Variants in BANK1 observed in about 807,000 individuals in gnomAD.
BANK1 encodes the protein B cell scaffold protein with ankyrin repeats 1, also known as B-cell scaffold protein with ankyrin repeats.
In BANK1, 95 loss-of-function variants were observed where a neutral mutation model predicts 94.5. That is an observed-to-expected ratio of 1.00 (90% confidence interval 0.85 to 1.19). The LOEUF is 1.19. BANK1 is among the 50% of genes most tolerant of loss of function. The pLI, the probability that BANK1 is intolerant of heterozygous loss-of-function variation, is 0.00. For missense variants in BANK1, 987 were observed against 932.2 expected (o/e 1.06, Z -0.77); for synonymous variants, 334 against 308.4 (o/e 1.08, Z -0.87).
chr4:101,961,993 T>C (rs1724585098), intron 7 of BANK1, among the ~76,000 whole-genome samples: 1 of 152,172 alleles, frequency 6.6e-6, no homozygotes, highest in Non-Finnish European at 1.5e-5. Context: ...ATTCTTCTAA[T>C]TTCAGTTCAT....
At chr4:101,870,924 G>A (rs2148881246) in intron 5 of BANK1, among the ~76,000 whole-genome samples, 1 of 152,100 alleles carries the variant, frequency 6.6e-6, no homozygotes, top group East Asian at 1.9e-4. Flanking sequence ...AGCAGATAAA[G>A]GGAGAGCAAT....
At chr4:101,969,058 C>A (rs148876543) in intron 7 of BANK1, among the ~76,000 whole-genome samples, 1 of 152,108 alleles carries the variant, frequency 6.6e-6, no homozygotes, top group Non-Finnish European at 1.5e-5. Flanking sequence ...AGAGTCGTCT[C>A]TACCATAGAC....
At chr4:101,804,570 C>G (rs1276407481) in intron 1 of BANK1, among the ~76,000 whole-genome samples, 1 of 152,090 alleles carries the variant, frequency 6.6e-6, no homozygotes, top group Non-Finnish European at 1.5e-5. Context: ...TTGATACATA[C>G]TGTAGATTGA....
At chr4:101,838,479 T>C (rs1219236258) in intron 2 of BANK1, among the ~76,000 whole-genome samples, 1 of 152,228 alleles carries the variant, frequency 6.6e-6, no homozygotes, top group African/African-American at 2.4e-5. Flanking sequence ...AAGCTGATTT[T>C]TTTTTAACAT....
At chr4:101,987,039 G>A (rs1311109389) in intron 7 of BANK1, among the ~76,000 whole-genome samples, 1 of 149,412 alleles carries the variant, frequency 6.7e-6, no homozygotes, top group African/African-American at 2.5e-5. Context: ...AAAATATTGT[G>A]ATCTACCAGA....
chr4:102,004,502 C>A (rs1414555241), intron 7 of BANK1, among the ~76,000 whole-genome samples: 1 of 152,120 alleles, frequency 6.6e-6, no homozygotes, highest in Non-Finnish European at 1.5e-5. Context: ...CATCGACCAG[C>A]CATTGCTAGG....
At chr4:102,037,553 C>T (rs1317696648) in intron 10 of BANK1, among the ~76,000 whole-genome samples, 16 of 152,054 alleles carry the variant, frequency 1.1e-4, no homozygotes, top group Admixed American at 1.0e-3. Context: ...AAGATGCTTC[C>T]TGAGGTTGGA....
At chr4:101,910,378 G>A (rs1005925903) in intron 6 of BANK1, among the ~76,000 whole-genome samples, 13 of 152,046 alleles carry the variant, frequency 8.6e-5, no homozygotes, top group African/African-American at 3.1e-4. Flanking sequence ...CTGTGTCCTT[G>A]AATTAAAATC....
Position 101,859,945 on chromosome 4 carries a change from G to A in BANK1, c.625-2581G>A, listed in dbSNP as rs1358104346. ...TAGAAACAGTCAAATGATGGTTATG[G>A]ATATGCAGTGCAGAAACAGTCAAAT... On this transcript the variant is annotated intron_variant, in intron 3 of 16. Coordinates refer to ENST00000322953, the MANE Select transcript of BANK1 (RefSeq NM_017935.5). Among the ~76,000 whole-genome samples, 3 of 152,248 alleles carry A rather than the reference G, an allele frequency of 2.0e-5. No individual in the cohort carries two copies. In the South Asian group the frequency reaches 6.2e-4, roughly 32 times the overall value.
chr4:102,066,508 C>T (rs894261357), intron 13 of BANK1, among the ~76,000 whole-genome samples: 8 of 152,220 alleles, frequency 5.3e-5, no homozygotes, highest in South Asian at 4.1e-4. Flanking sequence ...CCGCCCGCCT[C>T]GGCCTCCCAA....
Position 101,870,502 on chromosome 4 carries a change from AAG to A in BANK1, c.764_765del. On this transcript the variant is annotated splice_acceptor_variant, in intron 4 of 16. Coordinates refer to ENST00000322953, the MANE Select transcript of BANK1 (RefSeq NM_017935.5). LOFTEE classifies it high-confidence loss of function. ...CCCCTAACCCTTGTTTGTTTTTCAT[AAG>A]AGTTTCCTGCTGGTTCAGTCCATGT... The A allele has an allele frequency of 1.2e-6, 2 of 1,609,408 alleles. No homozygotes were observed. Among genetic ancestry groups the A allele is most frequent in the Non-Finnish European group, 8.5e-7 (1 of 1,177,964 alleles).
At chr4:101,878,175 A>G (rs1728558295) in intron 5 of BANK1, among the ~76,000 whole-genome samples, 1 of 152,166 alleles carries the variant, frequency 6.6e-6, no homozygotes, top group Admixed American at 6.5e-5. Flanking sequence ...ATGGATTAAA[A>G]ACAAAAAAAA....
At chr4:102,065,050 C>T (rs964309409) in intron 13 of BANK1, among the ~76,000 whole-genome samples, 1 of 152,086 alleles carries the variant, frequency 6.6e-6, no homozygotes, top group Non-Finnish European at 1.5e-5. Context: ...TGCAAGACAG[C>T]AACTTCTAGG....
At position 101,914,104 on chromosome 4, in the gene BANK1, G is replaced by A. The variant is rs552202346; in HGVS notation, c.1010-3889G>A. 4.6e-5 allele frequency among the ~76,000 whole-genome samples: 7 copies of A among 152,236 alleles called. No homozygotes were observed. In the East Asian group the frequency reaches 1.4e-3, roughly 29 times the overall value. ...TTCATCTTTATCCCAAGTTTTTCCTGTTGTTTGTCTATGCCTGACAATAAG... is the reference window on the plus strand; with the variant it reads ...TTCATCTTTATCCCAAGTTTTTCCTATTGTTTGTCTATGCCTGACAATAAG... On this transcript the variant is annotated intron_variant, in intron 6 of 16. Coordinates refer to ENST00000322953, the MANE Select transcript of BANK1 (RefSeq NM_017935.5).
At chr4:101,982,906 C>T (rs538603195) in intron 7 of BANK1, among the ~76,000 whole-genome samples, 1 of 151,832 alleles carries the variant, frequency 6.6e-6, no homozygotes, top group East Asian at 1.9e-4. Flanking sequence ...TGGAATTTCA[C>T]CAAGATTATG....
chr4:102,060,104 T>A, intron 11 of BANK1, 107 bp from the exon 12 acceptor site: 1 of 1,010,492 alleles, frequency 9.9e-7, no homozygotes, highest in Non-Finnish European at 1.4e-6. Flanking sequence ...TAACTGCTCA[T>A]AGAGAGTTAA....
At chr4:102,043,011 C>T (rs1038348336) in intron 10 of BANK1, among the ~76,000 whole-genome samples, 17 of 152,034 alleles carry the variant, frequency 1.1e-4, no homozygotes, top group African/African-American at 3.9e-4. Context: ...CCAACTCCCT[C>T]ATCTATAAAC....
At chr4:101,810,967 G>T (rs941363786) in intron 1 of BANK1, among the ~76,000 whole-genome samples, 1 of 152,042 alleles carries the variant, frequency 6.6e-6, no homozygotes, top group Non-Finnish European at 1.5e-5. Context: ...CTTAAACCAG[G>T]CATGCGGGCT....
intron 12 of BANK1, 43 bp downstream of exon 12, chr4:102,060,432 G>A (rs1036686926): frequency 6.4e-7 from 1 of 1,556,416 alleles, no homozygotes; most frequent in African/African-American, 1.4e-5. Flanking sequence ...CCTCACTTGT[G>A]GAGCCCCTAG....
Sources: allele counts gnomAD v4.1 joint callset (sites outside exome capture counted in the v4.1 genomes callset), GRCh38; gene constraint gnomAD v4.1.1; transcripts MANE v1.5; gene names NCBI Gene and HGNC (gene_info 2026-07-23, HGNC 2026-07-21).